ERG: variants seen among roughly 807,000 people sequenced by gnomAD.
ERG encodes ETS transcription factor ERG.
Under a neutral mutation model 55.3 loss-of-function variants are expected in ERG, and 9 were observed. That is an observed-to-expected ratio of 0.16 (90% CI 0.10 to 0.28). ERG has a LOEUF of 0.28. ERG is among the 10% of genes least tolerant of loss of function. The pLI, the probability that ERG is intolerant of heterozygous loss-of-function variation, is 1.00. For missense variants in ERG, 434 were observed against 631.6 expected (o/e 0.69, Z 3.35); for synonymous variants, 223 against 237.3 (o/e 0.94, Z 0.55).
chr21:38,504,224 C>T (rs2146705935), intron 2 of ERG, among the ~76,000 whole-genome samples: 1 of 152,284 alleles, frequency 6.6e-6, no homozygotes, highest in Admixed American at 6.5e-5. Flanking sequence ...CTTCTCAACA[C>T]CAAGTTGCAA....
At chr21:38,565,585 A>C (rs568526926) in intron 2 of ERG, among the ~76,000 whole-genome samples, 5 of 152,122 alleles carry the variant, frequency 3.3e-5, no homozygotes, top group Non-Finnish European at 7.3e-5. Flanking sequence ...GGGCCTTTGC[A>C]CATGCTGTTC....
intron 2 of ERG, among the ~76,000 whole-genome samples, chr21:38,425,458 C>T (rs1443991184): frequency 1.3e-5 from 2 of 152,028 alleles, no homozygotes; most frequent in African/African-American, 2.4e-5. Context: ...GAAAATCCAG[C>T]TTAAGCAGAA....
intron 4 of ERG, 75 bp from the exon 5 acceptor site, chr21:38,402,712 CAAAAAAAAAA>C: frequency 1.2e-5 from 2 of 162,088 alleles, no homozygotes; most frequent in Non-Finnish European, 1.1e-5. Context: ...ACCTTTCTTA[CAAAAAAAAAA>C]AAAAAAAAAG....
At chr21:38,470,350 G>A (rs1475717987) in intron 1 of ERG, among the ~76,000 whole-genome samples, 1 of 152,168 alleles carries the variant, frequency 6.6e-6, no homozygotes, top group African/African-American at 2.4e-5. Flanking sequence ...GGGGGAAGGT[G>A]ATGAATAAAC....
chr21:38,613,815 T>G (rs1292779100), intron 1 of ERG, among the ~76,000 whole-genome samples: 1 of 152,134 alleles, frequency 6.6e-6, no homozygotes, highest in Admixed American at 6.5e-5. Context: ...ATCTCCCACC[T>G]AGAAGGGGAC....
rs775394720 is a variant in ERG at position 38,383,441 on chromosome 21, T to C, written c.1402A>G (p.Thr468Ala). ...CCCAGATGAGAAGGCATATGGCTGG[T>C]GGGGAGCCTAGTGTTGGGGTATATA... ...GGIYPNTRLP[T>A]SHMPSHLGTY... The change falls in exon 10 of 10, where the codon ACC (threonine) becomes GCC (alanine). Residue 468 changes from threonine to alanine, a missense_variant. Thr to Ala is a moderately conservative substitution (Grantham distance 58, BLOSUM62 0). Transcript: ENST00000288319. The surrounding 1 kb of genome is among the most constrained non-coding windows in gnomAD (Gnocchi z 5.7). The C allele has an allele frequency of 1.3e-6, 2 of 1,513,744 alleles. No individual in the cohort carries two copies. Among genetic ancestry groups the C allele is most frequent in the South Asian group, 2.7e-5 (2 of 74,886 alleles). The allele number at this position is 1,513,744 out of a possible 1,614,324, so 93.8% of individuals were successfully genotyped here.
chr21:38,604,065 G>A (rs2060181306), intron 1 of ERG, among the ~76,000 whole-genome samples: 1 of 150,900 alleles, frequency 6.6e-6, no homozygotes, highest in Non-Finnish European at 1.5e-5. Context: ...TGGCTAACAC[G>A]GTGAAACCCC....
chr21:38,371,381 C>T, the ERG span, among the ~76,000 whole-genome samples: 1 of 151,794 alleles, frequency 6.6e-6, no homozygotes, highest in Non-Finnish European at 1.5e-5. Context: ...ATTTTTATTT[C>T]TTTTTTCCTT....
At chr21:38,482,164 G>C (rs190960876) in intron 1 of ERG, among the ~76,000 whole-genome samples, 12 of 152,284 alleles carry the variant, frequency 7.9e-5, no homozygotes, top group Admixed American at 7.2e-4. Context: ...ATTAGATTCT[G>C]GGCAGCCCCC....
At chr21:38,488,349 T>C (rs2059305819) in intron 1 of ERG, among the ~76,000 whole-genome samples, 1 of 152,192 alleles carries the variant, frequency 6.6e-6, no homozygotes, top group African/African-American at 2.4e-5. Flanking sequence ...ACATCACCCT[T>C]TGGTGCTTCG....
intron 1 of ERG, among the ~76,000 whole-genome samples, chr21:38,462,575 T>C (rs1472204633): frequency 1.3e-5 from 2 of 152,232 alleles, no homozygotes; most frequent in African/African-American, 4.8e-5. Context: ...GGAAGCTTGT[T>C]AGCCATTTCC....
chr21:38,656,772 G>A (rs2060521737), intron 1 of ERG, among the ~76,000 whole-genome samples: 1 of 152,162 alleles, frequency 6.6e-6, no homozygotes, highest in Admixed American at 6.5e-5. Flanking sequence ...ACTTTCAAAT[G>A]AACATGTGGG....
chr21:38,571,345 T>TGC (rs1186135174), intron 2 of ERG, among the ~76,000 whole-genome samples: 1 of 150,534 alleles, frequency 6.6e-6, no homozygotes, highest in African/African-American at 2.5e-5. Flanking sequence ...ACCTTGTCTC[T>TGC]ACAAAAAAAA....
chr21:38,639,194 C>G (rs922886274), intron 1 of ERG, among the ~76,000 whole-genome samples: 23 of 152,148 alleles, frequency 1.5e-4, no homozygotes, highest in African/African-American at 5.3e-4. Context: ...CCCCAGCCAA[C>G]AAGCCCCACC....
intron 1 of ERG, among the ~76,000 whole-genome samples, chr21:38,491,724 G>A (rs537447451): frequency 1.3e-5 from 2 of 152,168 alleles, no homozygotes. Flanking sequence ...AGGCCTTATG[G>A]AAAACTCTGA....
intron 9 of ERG, 77 bp downstream of exon 9, chr21:38,390,918 C>T: frequency 1.7e-6 from 2 of 1,158,644 alleles, no homozygotes; most frequent in East Asian, 4.7e-5. Context: ...AATTTCTCAC[C>T]AATACCAATT....
chr21:38,597,611 A>T (rs1161227909), intron 1 of ERG, among the ~76,000 whole-genome samples: 1 of 152,136 alleles, frequency 6.6e-6, no homozygotes, highest in East Asian at 1.9e-4. Flanking sequence ...TGGTTGTAGG[A>T]TGTCCTGGGA....
intron 2 of ERG, among the ~76,000 whole-genome samples, chr21:38,536,107 A>G (rs2059708097): frequency 6.6e-6 from 1 of 152,166 alleles, no homozygotes; most frequent in Admixed American, 6.5e-5. Context: ...GATGGAGTAC[A>G]TGTGATGATT....
At chr21:38,422,292 G>T (rs1989583602) in intron 3 of ERG, among the ~76,000 whole-genome samples, 1 of 152,252 alleles carries the variant, frequency 6.6e-6, no homozygotes, top group South Asian at 2.1e-4. Context: ...CCAGATGGCT[G>T]AAACAAGTAA....
Sources: allele counts gnomAD v4.1 joint callset (sites outside exome capture counted in the v4.1 genomes callset), GRCh38; gene constraint gnomAD v4.1.1; non-coding constraint Gnocchi (gnomAD v3.1); transcripts MANE v1.5; gene names NCBI Gene and HGNC (gene_info 2026-07-23, HGNC 2026-07-21).